The following GLI2 variants were observed in gnomAD, a reference collection of about 807,000 sequenced individuals.
GLI2 encodes transcription activator GLI2.
GLI2 carries 22 observed loss-of-function variants against 78.9 expected under a neutral mutation model. The observed-to-expected ratio is 0.28, with a 90% confidence interval of 0.20 to 0.40. GLI2 has a LOEUF of 0.40. Among genes scored for constraint, GLI2 ranks in the 10% least tolerant of loss-of-function variants. The pLI is 1.00. For synonymous variants in GLI2, 974 were observed against 963.7 expected, an observed-to-expected ratio of 1.01 and a Z score of -0.20; for missense variants, 2,097 against 2,213.2, an observed-to-expected ratio of 0.95 and a Z score of 1.05.
At chr2:120,966,875 A>G (rs553447772) in intron 5 of GLI2, among the ~76,000 whole-genome samples, 165 of 152,350 alleles carry the variant, frequency 1.1e-3, no homozygotes, top group African/African-American at 3.7e-3. Context: ...TGCCACGTGC[A>G]TGATTCAGAG....
chr2:120,797,576 A>G, intron 2 of GLI2, 108 bp downstream of exon 2: 1 of 1,073,076 alleles, frequency 9.3e-7, no homozygotes. Flanking sequence ...TGCTGGGTTT[A>G]TGGAGGGCGA....
intron 2 of GLI2, among the ~76,000 whole-genome samples, chr2:120,912,980 G>C (rs762779090): frequency 4.6e-5 from 7 of 152,180 alleles, no homozygotes; most frequent in Non-Finnish European, 7.4e-5. Flanking sequence ...TTCTGGGAAC[G>C]TTTGTGAGTT....
At chr2:120,815,881 TG>T (rs916227473) in intron 2 of GLI2, among the ~76,000 whole-genome samples, 2 of 152,034 alleles carry the variant, frequency 1.3e-5, no homozygotes, top group African/African-American at 4.8e-5. Flanking sequence ...AGGTGTGACG[TG>T]GGGGAGAACA....
chr2:120,809,536 A>T (rs895483), intron 2 of GLI2, among the ~76,000 whole-genome samples: 54,238 of 151,900 alleles, frequency 0.36, 10,282 homozygotes, highest in East Asian at 0.54. Context: ...ATCTCTGTTT[A>T]AAAAAGAAGG....
chr2:120,770,923 C>A (rs993276000), intron 1 of GLI2, among the ~76,000 whole-genome samples: 1 of 152,198 alleles, frequency 6.6e-6, no homozygotes, highest in African/African-American at 2.4e-5. Context: ...CTCCCACCTG[C>A]CGAGCCTGAG....
chr2:120,962,446 T>G (rs1012676842), intron 5 of GLI2, among the ~76,000 whole-genome samples: 2 of 152,168 alleles, frequency 1.3e-5, no homozygotes, highest in African/African-American at 4.8e-5. Context: ...ATGCCTGGTG[T>G]GCTCTCAGCA....
chr2:120,762,929 CA>C (rs1301051631), intron 1 of GLI2, among the ~76,000 whole-genome samples: 22 of 152,240 alleles, frequency 1.4e-4, no homozygotes, highest in African/African-American at 4.6e-4. Context: ...GGAAAGGCTT[CA>C]GTGGCTGGGG....
chr2:120,785,552 G>A (rs940140348), intron 1 of GLI2, among the ~76,000 whole-genome samples: 2 of 152,256 alleles, frequency 1.3e-5, no homozygotes, highest in African/African-American at 4.8e-5. Flanking sequence ...ACACCAGCCC[G>A]GTTCTCCCTG....
chr2:120,986,221 G>A, intron 12 of GLI2, 57 bp from the exon 13 acceptor site: 2 of 1,505,106 alleles, frequency 1.3e-6, no homozygotes, highest in South Asian at 2.3e-5. Flanking sequence ...CTAGAGGCAG[G>A]ACCAGGTGGA....
intron 1 of GLI2, among the ~76,000 whole-genome samples, chr2:120,772,301 C>G (rs747860553): frequency 6.6e-6 from 1 of 152,142 alleles, no homozygotes; most frequent in Non-Finnish European, 1.5e-5. Context: ...CTCTGAGGAG[C>G]CTTCCCTCCC....
chr2:120,894,658 CT>C (rs1218651827), intron 2 of GLI2, among the ~76,000 whole-genome samples: 1 of 149,248 alleles, frequency 6.7e-6, no homozygotes, highest in Non-Finnish European at 1.5e-5. Flanking sequence ...AATCCCCCCA[CT>C]TCCATTTTAC....
chr2:120,940,237 T>G (rs899984243), intron 3 of GLI2, among the ~76,000 whole-genome samples: 1 of 152,252 alleles, frequency 6.6e-6, no homozygotes, highest in East Asian at 1.9e-4. Context: ...ACTGCCTTGA[T>G]GGCAGGTTTG....
At chr2:120,986,180 G>A in intron 12 of GLI2, 98 bp from the exon 13 acceptor site, 1 of 1,077,798 alleles carries the variant, frequency 9.3e-7, no homozygotes, top group Non-Finnish European at 1.4e-6. Flanking sequence ...CAGCCCCTCA[G>A]GGTGGGCGAG....
intron 1 of GLI2, among the ~76,000 whole-genome samples, chr2:120,751,408 C>G (rs1351502192): frequency 3.3e-5 from 5 of 151,998 alleles, no homozygotes; most frequent in Admixed American, 1.3e-4. Context: ...GTACTTTTTA[C>G]TTAATACTTT....
intron 2 of GLI2, among the ~76,000 whole-genome samples, chr2:120,814,772 G>A (rs1685416087): frequency 7.1e-6 from 1 of 141,318 alleles, no homozygotes; most frequent in African/African-American, 2.7e-5. Flanking sequence ...TGGGATTCCT[G>A]CCCCCGCCCG....
At chr2:120,881,043 TG>T (rs1304945584) in intron 2 of GLI2, among the ~76,000 whole-genome samples, 2 of 152,158 alleles carry the variant, frequency 1.3e-5, no homozygotes, top group Non-Finnish European at 2.9e-5. Flanking sequence ...ATCTGTAAAA[TG>T]GGGGCAAGTC....
Position 120,774,947 on chromosome 2 carries a change from G to A in GLI2, c.-30-22344G>A, listed in dbSNP as rs149129945. ...CTGCCCAAAGCCCGGGCTCCCATGA[G>A]AGCCCACCAGACTCATGCCAGCCTT... On this transcript the variant is annotated intron_variant, in intron 1 of 13. Transcript: ENST00000361492. Among the ~76,000 whole-genome samples, 574 of 152,270 alleles carry A rather than the reference G, an allele frequency of 3.8e-3. 1 individual carries two copies. Among genetic ancestry groups the A allele is most frequent in the African/African-American group, 0.012 (489 of 41,548 alleles).
intron 2 of GLI2, among the ~76,000 whole-genome samples, chr2:120,923,744 AC>A (rs1679521357): frequency 6.6e-6 from 1 of 152,076 alleles, no homozygotes; most frequent in South Asian, 2.1e-4. Context: ...CTACACACAT[AC>A]ACGCACTGCA....
intron 2 of GLI2, among the ~76,000 whole-genome samples, chr2:120,831,301 C>T (rs1390276907): frequency 1.3e-5 from 2 of 152,212 alleles, no homozygotes; most frequent in East Asian, 3.8e-4. Flanking sequence ...GATAATTGTA[C>T]TAACCTGGCA....
Sources: allele counts gnomAD v4.1 joint callset (sites outside exome capture counted in the v4.1 genomes callset), GRCh38; gene constraint gnomAD v4.1.1; transcripts MANE v1.5; gene names NCBI Gene and HGNC (gene_info 2026-07-23, HGNC 2026-07-21).